The following NIPAL2 variants were observed in gnomAD, a reference collection of about 807,000 sequenced individuals.
NIPAL2 encodes NIPA-like protein 2.
NIPAL2 carries 43 observed loss-of-function variants against 48.9 expected under a neutral mutation model. The observed-to-expected ratio is 0.88, with a 90% CI of 0.69 to 1.13. The LOEUF is 1.13. Ranked by LOEUF, NIPAL2 falls within the 50% of genes most tolerant of loss-of-function variation. The pLI is 0.00. For missense variants in NIPAL2, 446 were observed against 461.4 expected, an observed-to-expected ratio of 0.97 and a Z score of 0.31; for synonymous variants, 167 against 174.6, an observed-to-expected ratio of 0.96 and a Z score of 0.34.
At chr8:98,292,747 AAG>A (rs1554580669) in intron 1 of NIPAL2, among the ~76,000 whole-genome samples, 1 of 146,988 alleles carries the variant, frequency 6.8e-6, no homozygotes, top group Non-Finnish European at 1.5e-5. Context: ...TTTTTTAATC[AAG>A]AGGGGATAGA....
intron 5 of NIPAL2, among the ~76,000 whole-genome samples, chr8:98,221,673 C>T (rs1406599680): frequency 6.6e-6 from 1 of 152,140 alleles, no homozygotes; most frequent in Non-Finnish European, 1.5e-5. Context: ...TTAGGTATTT[C>T]TCCTAATGCT....
Position 98,203,113 on chromosome 8 carries a change from A to G in NIPAL2, c.875T>C (p.Ile292Thr). The change falls in exon 8 of 11, where the codon ATT becomes ACT. Residue 292 changes from isoleucine to threonine, a missense_variant. Coordinates refer to ENST00000430223, the MANE Select transcript of NIPAL2 (RefSeq NM_001321635.2). ...TATAGAAAACCAAAACTCACCTGCA[A>G]TGATGGCACTGATTGTAAAGAAAAT... ...NHIFFTISAIIAGIIFYQEFL... is the reference protein window; with the variant it reads ...NHIFFTISAITAGIIFYQEFL... 1.9e-6 allele frequency: 3 copies of G among 1,612,922 alleles called. No individual in the cohort carries two copies. The highest frequency in any genetic ancestry group is 2.5e-6 in the Non-Finnish European group (3 of 1,178,884).
chr8:98,220,803 T>G (rs533779473), intron 5 of NIPAL2, among the ~76,000 whole-genome samples: 1 of 152,170 alleles, frequency 6.6e-6, no homozygotes, highest in African/African-American at 2.4e-5. Context: ...TTACATACCC[T>G]TCCTAGAATA....
intron 1 of NIPAL2, among the ~76,000 whole-genome samples, chr8:98,281,090 G>A (rs944931560): frequency 6.6e-6 from 1 of 152,066 alleles, no homozygotes; most frequent in Non-Finnish European, 1.5e-5. Flanking sequence ...AAGACCGCAT[G>A]TAGGCACTGC....
chr8:98,265,326 C>T (rs1814646065), intron 1 of NIPAL2, among the ~76,000 whole-genome samples: 1 of 147,884 alleles, frequency 6.8e-6, no homozygotes, highest in Admixed American at 6.7e-5. Flanking sequence ...AAAGAAACTA[C>T]CATCAGAGTG....
At chr8:98,277,835 A>G (rs2130893002) in intron 1 of NIPAL2, among the ~76,000 whole-genome samples, 1 of 152,336 alleles carries the variant, frequency 6.6e-6, no homozygotes, top group South Asian at 2.1e-4. Context: ...GTAATATTCC[A>G]TTGCAAGAAC....
chr8:98,243,123 C>T (rs1487912035), intron 3 of NIPAL2, among the ~76,000 whole-genome samples: 1 of 152,096 alleles, frequency 6.6e-6, no homozygotes. Context: ...CTCCATGGAG[C>T]AGTCTAATGT....
At chr8:98,288,995 AATACT>A (rs1563562139) in intron 1 of NIPAL2, among the ~76,000 whole-genome samples, 1 of 152,160 alleles carries the variant, frequency 6.6e-6, no homozygotes, top group African/African-American at 2.4e-5. Context: ...TGTGCTCCCA[AATACT>A]ATAGTAAATG....
chr8:98,196,739 G>C (rs2130685820), intron 8 of NIPAL2, among the ~76,000 whole-genome samples: 1 of 152,334 alleles, frequency 6.6e-6, no homozygotes, highest in Middle Eastern at 3.4e-3. Context: ...TTTTATGTGT[G>C]TGGTGTTATC....
chr8:98,219,973 G>T (rs1811768200), intron 5 of NIPAL2, among the ~76,000 whole-genome samples: 1 of 152,116 alleles, frequency 6.6e-6, no homozygotes, highest in East Asian at 1.9e-4. Context: ...ACTATTTGAA[G>T]ACATTCTTGG....
intron 1 of NIPAL2, among the ~76,000 whole-genome samples, chr8:98,276,018 A>T (rs1815437841): frequency 6.6e-6 from 1 of 152,194 alleles, no homozygotes; most frequent in Non-Finnish European, 1.5e-5. Flanking sequence ...CTGCTGCCAC[A>T]CATGCACAGC....
chr8:98,244,511 T>C (rs1376442562), intron 3 of NIPAL2, among the ~76,000 whole-genome samples: 1 of 80,732 alleles, frequency 1.2e-5, no homozygotes, highest in Middle Eastern at 7.2e-3. Context: ...GATGAGCGGG[T>C]AGGCTGTGAT....
At chr8:98,280,328 A>G (rs1390698278) in intron 1 of NIPAL2, among the ~76,000 whole-genome samples, 1 of 152,192 alleles carries the variant, frequency 6.6e-6, no homozygotes, top group Non-Finnish European at 1.5e-5. Context: ...TGCAACCCAC[A>G]ACTGGAATAA....
chr8:98,269,466 A>G (rs1217284392), intron 1 of NIPAL2, among the ~76,000 whole-genome samples: 1 of 152,222 alleles, frequency 6.6e-6, no homozygotes, highest in Non-Finnish European at 1.5e-5. Flanking sequence ...CTCTTGGGTG[A>G]CCAGATGCAT....
At chr8:98,276,460 C>G (rs1815471035) in intron 1 of NIPAL2, among the ~76,000 whole-genome samples, 1 of 152,152 alleles carries the variant, frequency 6.6e-6, no homozygotes, top group African/African-American at 2.4e-5. Flanking sequence ...TTTATCTATT[C>G]AGCTACTGAA....
intron 1 of NIPAL2, among the ~76,000 whole-genome samples, chr8:98,292,522 A>T (rs967439663): frequency 6.6e-6 from 1 of 152,190 alleles, no homozygotes; most frequent in African/African-American, 2.4e-5. Context: ...AACCTGTACA[A>T]ATACACACTG....
At chr8:98,267,072 C>A (rs939311809) in intron 1 of NIPAL2, among the ~76,000 whole-genome samples, 4 of 151,910 alleles carry the variant, frequency 2.6e-5, no homozygotes, top group Non-Finnish European at 4.4e-5. Context: ...GGTGTATGCA[C>A]CAACTTTATG....
At chr8:98,206,719 C>T (rs1261017427) in intron 6 of NIPAL2, among the ~76,000 whole-genome samples, 15 of 146,056 alleles carry the variant, frequency 1.0e-4, no homozygotes, top group Admixed American at 4.2e-4. Flanking sequence ...ACCCAGGAGG[C>T]GGAGTTCGCA....
At chr8:98,200,156 A>C (rs1378374807) in intron 8 of NIPAL2, among the ~76,000 whole-genome samples, 1 of 152,168 alleles carries the variant, frequency 6.6e-6, no homozygotes, top group Non-Finnish European at 1.5e-5. Context: ...TAAAATATAC[A>C]TAACATAAAA....
Sources: gnomAD v4.1 joint callset for allele counts (sites outside exome capture counted in the v4.1 genomes callset) on GRCh38, gnomAD v4.1.1 for gene constraint, MANE v1.5 for transcripts, NCBI Gene and HGNC (gene_info 2026-07-23, HGNC 2026-07-21) for gene names.